Variants in SMAD1 observed in about 807,000 individuals in gnomAD.
The protein encoded by SMAD1 is SMAD family member 1, also known as MAD, mothers against decapentaplegic homolog 1.
Under a neutral mutation model 41.6 loss-of-function variants are expected in SMAD1, and 6 were observed. The ratio of observed to expected loss-of-function variants is 0.14; its 90% CI spans 0.08 to 0.28. The LOEUF (loss-of-function observed/expected upper bound fraction) is 0.28. Ranked by LOEUF, SMAD1 falls within the 10% of genes least tolerant of loss-of-function variation. The pLI, the probability that SMAD1 is intolerant of heterozygous loss-of-function variation, is 1.00. For missense variants in SMAD1, 379 were observed against 582.6 expected (o/e 0.65, Z 3.60); for synonymous variants, 206 against 203.2 (o/e 1.01, Z -0.12).
chr4:145,506,810 T>A (rs1729814528), intron 1 of SMAD1, among the ~76,000 whole-genome samples: 1 of 152,150 alleles, frequency 6.6e-6, no homozygotes, highest in Non-Finnish European at 1.5e-5. Flanking sequence ...GAGGCCAAGG[T>A]GAAGAAAATG....
At chr4:145,500,682 T>C (rs1161872350) in intron 1 of SMAD1, among the ~76,000 whole-genome samples, 1 of 152,132 alleles carries the variant, frequency 6.6e-6, no homozygotes, top group Non-Finnish European at 1.5e-5. Flanking sequence ...GTGATAGCTG[T>C]TTGTTGAGTG....
intron 1 of SMAD1, among the ~76,000 whole-genome samples, chr4:145,491,558 AG>A (rs1728767847): frequency 6.6e-6 from 1 of 152,210 alleles, no homozygotes; most frequent in African/African-American, 2.4e-5. Context: ...TTTGTATACT[AG>A]GAAGTATCAG....
intron 2 of SMAD1, among the ~76,000 whole-genome samples, chr4:145,533,449 G>A (rs1731432195): frequency 6.6e-6 from 1 of 152,192 alleles, no homozygotes; most frequent in African/African-American, 2.4e-5. Flanking sequence ...GCTTTGAGAG[G>A]CTGAGGCAGG....
chr4:145,515,143 T>A lies in SMAD1; in HGVS notation c.400+130T>A. 3 of 610,492 alleles carry A rather than the reference T, an allele frequency of 4.9e-6. No individual in the cohort carries two copies. In the East Asian group the frequency reaches 8.5e-5, roughly 17 times the overall value. 37.8% of individuals were successfully genotyped at this position (610,492 alleles called of 1,614,324 possible). On this transcript the variant is annotated intron_variant, in intron 2 of 6. Transcript: ENST00000302085. ...AAAATATTTGGGGAAACTGTGTGTG[T>A]GTGTGTGTGTGTGTGTGTGTGTGTG...
intron 2 of SMAD1, among the ~76,000 whole-genome samples, chr4:145,534,524 C>G (rs1196282978): frequency 6.6e-6 from 1 of 152,190 alleles, no homozygotes; most frequent in Non-Finnish European, 1.5e-5. Context: ...ATTAAAATCT[C>G]TATAAAGCCT....
At chr4:145,545,226 G>C (rs1440336446) in intron 4 of SMAD1, 1 of 152,048 alleles carries the variant, frequency 6.6e-6, no homozygotes, top group Non-Finnish European at 1.5e-5. Flanking sequence ...TGTTACAAGG[G>C]CAGAATTGGA....
intron 1 of SMAD1, among the ~76,000 whole-genome samples, chr4:145,500,105 G>A (rs530938417): frequency 9.2e-5 from 14 of 152,158 alleles, no homozygotes; most frequent in East Asian, 7.7e-4. Flanking sequence ...CTTCTGCCAC[G>A]CTGGTTGAAA....
chr4:145,545,495 T>C (rs1353793278), intron 4 of SMAD1: 1 of 152,110 alleles, frequency 6.6e-6, no homozygotes, highest in Non-Finnish European at 1.5e-5. Flanking sequence ...GCTAACTACT[T>C]ACATATGTAA....
At chr4:145,555,571 A>G (rs1158796144) in intron 6 of SMAD1, among the ~76,000 whole-genome samples, 4 of 152,192 alleles carry the variant, frequency 2.6e-5, no homozygotes, top group African/African-American at 9.6e-5. Context: ...TAATGTTCCA[A>G]TTAGCTTTCT....
chr4:145,546,943 C>G lies in SMAD1; in HGVS notation c.997+19C>G, dbSNP rs1426845962. On this transcript the variant is annotated intron_variant, in intron 5 of 6. Coordinates refer to ENST00000302085, the MANE Select transcript of SMAD1 (RefSeq NM_005900.3). ...GGAAAAGGTGAGTTTTTGCTTTAACCTCTTTCAGATGTTTATCTGTTGTGT... is the reference window on the plus strand; with the variant it reads ...GGAAAAGGTGAGTTTTTGCTTTAACGTCTTTCAGATGTTTATCTGTTGTGT... 1 of 1,569,352 alleles carries G rather than the reference C, an allele frequency of 6.4e-7. No homozygotes were observed. The highest frequency in any genetic ancestry group is 1.7e-5 in the Admixed American group (1 of 59,964).
At chr4:145,539,695 G>C in intron 2 of SMAD1, 109 bp from the exon 3 acceptor site, 1 of 1,081,432 alleles carries the variant, frequency 9.2e-7, no homozygotes. Flanking sequence ...GCAGGACAGG[G>C]ATCAGATAAT....
intron 2 of SMAD1, among the ~76,000 whole-genome samples, chr4:145,532,319 A>G (rs1302969381): frequency 6.6e-6 from 1 of 152,216 alleles, no homozygotes; most frequent in Admixed American, 6.5e-5. Context: ...TTCTCCTGAG[A>G]GAAAAGGAAA....
chr4:145,522,078 C>A (rs996529069), intron 2 of SMAD1, among the ~76,000 whole-genome samples: 2 of 152,058 alleles, frequency 1.3e-5, no homozygotes, highest in Admixed American at 6.5e-5. Flanking sequence ...GAGGCCAAGG[C>A]GGGCGGATCA....
At chr4:145,524,862 T>C (rs1730944218) in intron 2 of SMAD1, among the ~76,000 whole-genome samples, 1 of 151,986 alleles carries the variant, frequency 6.6e-6, no homozygotes, top group African/African-American at 2.4e-5. Context: ...CATAATATTT[T>C]AAATTAAAAG....
intron 1 of SMAD1, among the ~76,000 whole-genome samples, chr4:145,508,446 C>A (rs907611536): frequency 1.3e-5 from 2 of 152,030 alleles, no homozygotes; most frequent in Admixed American, 1.3e-4. Context: ...ATTTTCCTTA[C>A]ATGTAAAATA....
intron 1 of SMAD1, among the ~76,000 whole-genome samples, chr4:145,485,887 T>G (rs1183878327): frequency 6.6e-6 from 1 of 152,234 alleles, no homozygotes; most frequent in Non-Finnish European, 1.5e-5. Context: ...ACTATTGTTG[T>G]CACATTTTAC....
At chr4:145,521,682 G>A (rs978350919) in intron 2 of SMAD1, among the ~76,000 whole-genome samples, 4 of 152,146 alleles carry the variant, frequency 2.6e-5, no homozygotes, top group Non-Finnish European at 5.9e-5. Flanking sequence ...AGAGGGGAAG[G>A]GGAGTGGGTG....
intron 2 of SMAD1, among the ~76,000 whole-genome samples, chr4:145,538,728 C>T (rs900348851): frequency 6.6e-6 from 1 of 152,156 alleles, no homozygotes; most frequent in Non-Finnish European, 1.5e-5. Context: ...TCTCTCCTCT[C>T]ATGCAGTTTA....
intron 1 of SMAD1, among the ~76,000 whole-genome samples, chr4:145,505,414 A>G (rs936926442): frequency 6.6e-6 from 1 of 152,110 alleles, no homozygotes; most frequent in Non-Finnish European, 1.5e-5. Context: ...GCATCTAATG[A>G]GGTGTATTGT....
Sources: gnomAD v4.1 joint callset for allele counts (sites outside exome capture counted in the v4.1 genomes callset) on GRCh38, gnomAD v4.1.1 for gene constraint, MANE v1.5 for transcripts, NCBI Gene and HGNC (gene_info 2026-07-23, HGNC 2026-07-21) for gene names.